RGS6: variants seen among roughly 807,000 people sequenced by gnomAD.
RGS6 encodes regulator of G protein signaling 6.
In RGS6, 30 loss-of-function variants were observed where a neutral mutation model predicts 78.5. The observed-to-expected ratio is 0.38, with a 90% CI of 0.29 to 0.52. The LOEUF is 0.52. RGS6 is among the 20% of genes least tolerant of loss of function. The pLI, the probability that RGS6 is intolerant of heterozygous loss-of-function variation, is 0.85. For missense variants in RGS6, 495 were observed against 609.7 expected (o/e 0.81, Z 1.98); for synonymous variants, 206 against 206.0 (o/e 1.00, Z 0.00).
chr14:71,972,823 G>A (rs772692355), intron 2 of RGS6, among the ~76,000 whole-genome samples: 5 of 152,162 alleles, frequency 3.3e-5, no homozygotes, highest in Non-Finnish European at 7.4e-5. Flanking sequence ...CAGAATTTGG[G>A]GGCTGAGAAG....
chr14:72,569,019 G>A (rs1005482585), downstream of RGS6, among the ~76,000 whole-genome samples: 2 of 152,168 alleles, frequency 1.3e-5, no homozygotes, highest in Admixed American at 6.5e-5. Flanking sequence ...ACAAGTCCCT[G>A]GATATCTCTT....
At chr14:72,342,845 G>C (rs1024898994) in intron 2 of RGS6, among the ~76,000 whole-genome samples, 1 of 151,904 alleles carries the variant, frequency 6.6e-6, no homozygotes, top group African/African-American at 2.4e-5. Context: ...CAATGACTTA[G>C]GGTTTATAGA....
At chr14:72,431,159 G>C (rs183464835) in intron 3 of RGS6, among the ~76,000 whole-genome samples, 17 of 152,278 alleles carry the variant, frequency 1.1e-4, no homozygotes, top group Admixed American at 1.1e-3. Flanking sequence ...CAAGGAATCT[G>C]GGTATGAGGA....
At chr14:72,134,377 T>G (rs1259530168) in intron 2 of RGS6, among the ~76,000 whole-genome samples, 5 of 152,228 alleles carry the variant, frequency 3.3e-5, no homozygotes, top group Admixed American at 3.3e-4. Context: ...TCTTCTAAAG[T>G]CTGCACATAT....
intron 3 of RGS6, among the ~76,000 whole-genome samples, chr14:72,448,220 G>A (rs112369916): frequency 6.6e-6 from 1 of 152,218 alleles, no homozygotes; most frequent in Non-Finnish European, 1.5e-5. Context: ...TTGCTCTCAA[G>A]TGTGTCTGAC....
intron 2 of RGS6, among the ~76,000 whole-genome samples, chr14:72,099,742 G>A (rs1039363846): frequency 1.6e-4 from 25 of 152,140 alleles, no homozygotes; most frequent in African/African-American, 5.6e-4. Context: ...TAGCTTTGGC[G>A]GGGATTATTT....
At chr14:71,914,416 T>C in the RGS6 span, among the ~76,000 whole-genome samples, 43 of 152,254 alleles carry the variant, frequency 2.8e-4, no homozygotes, top group Non-Finnish European at 5.6e-4. Flanking sequence ...CAAGTTTCAC[T>C]TTTCTTATCT....
At chr14:72,545,917 G>C (rs1378717291) in intron 17 of RGS6, among the ~76,000 whole-genome samples, 1 of 152,158 alleles carries the variant, frequency 6.6e-6, no homozygotes, top group Non-Finnish European at 1.5e-5. Flanking sequence ...AGCTGTGTGT[G>C]TGTGTGTCAG....
intron 2 of RGS6, among the ~76,000 whole-genome samples, chr14:72,084,262 A>G (rs371587843): frequency 5.9e-5 from 9 of 152,148 alleles, no homozygotes; most frequent in African/African-American, 2.2e-4. Flanking sequence ...TTGCGTTTCT[A>G]TGAGAATCCA....
the RGS6 span, among the ~76,000 whole-genome samples, chr14:72,623,595 T>C: frequency 1.3e-5 from 2 of 152,220 alleles, no homozygotes; most frequent in African/African-American, 4.8e-5. Flanking sequence ...TTGGTATTAT[T>C]GAAGAGCAAG....
chr14:72,539,861 T>C (rs2097298520), intron 16 of RGS6, among the ~76,000 whole-genome samples, 180 bp from the exon 17 acceptor site: 1 of 152,234 alleles, frequency 6.6e-6, no homozygotes, highest in Admixed American at 6.5e-5. Flanking sequence ...TTCTGTCTTC[T>C]GTCTCTCCCA....
chr14:72,014,232 G>C (rs1318058172), intron 2 of RGS6, among the ~76,000 whole-genome samples: 2 of 152,176 alleles, frequency 1.3e-5, no homozygotes, highest in Admixed American at 1.3e-4. Flanking sequence ...TGACAGTTAA[G>C]AGAGGAATGA....
chr14:72,441,043 T>C (rs74889945), intron 3 of RGS6, among the ~76,000 whole-genome samples: 1 of 152,318 alleles, frequency 6.6e-6, no homozygotes, highest in East Asian at 1.9e-4. Context: ...GTCTGTTGCA[T>C]CTATGCATGT....
intron 2 of RGS6, among the ~76,000 whole-genome samples, chr14:72,029,629 C>T (rs903652085): frequency 6.6e-6 from 1 of 152,176 alleles, no homozygotes; most frequent in Non-Finnish European, 1.5e-5. Flanking sequence ...GTTCTGATTC[C>T]TGCTTATTAG....
intron 3 of RGS6, among the ~76,000 whole-genome samples, chr14:72,354,675 G>A (rs934236941): frequency 3.3e-5 from 5 of 151,926 alleles, no homozygotes; most frequent in Non-Finnish European, 4.4e-5. Flanking sequence ...TCTGTAAAGG[G>A]TAATAATTCC....
intron 2 of RGS6, among the ~76,000 whole-genome samples, chr14:72,350,926 G>A (rs962146487): frequency 6.6e-6 from 1 of 152,042 alleles, no homozygotes; most frequent in Non-Finnish European, 1.5e-5. Flanking sequence ...ATATATTTTA[G>A]CTATTTATGA....
chr14:72,018,614 G>T (rs1417212724), intron 2 of RGS6, among the ~76,000 whole-genome samples: 2 of 152,234 alleles, frequency 1.3e-5, no homozygotes, highest in African/African-American at 2.4e-5. Context: ...CTTGGAGACA[G>T]ACAGAAACAT....
intron 2 of RGS6, among the ~76,000 whole-genome samples, chr14:72,334,078 C>T (rs1595916764): frequency 1.3e-5 from 2 of 152,342 alleles, no homozygotes; most frequent in East Asian, 3.9e-4. Flanking sequence ...TCTCCAACAC[C>T]CCCGAGTCTT....
At chr14:71,900,327 A>G in the RGS6 span, among the ~76,000 whole-genome samples, 1 of 151,936 alleles carries the variant, frequency 6.6e-6, no homozygotes. Context: ...CCGCTTTTTT[A>G]TCAGTTATAT....
Sources: allele counts gnomAD v4.1 joint callset (sites outside exome capture counted in the v4.1 genomes callset), GRCh38; gene constraint gnomAD v4.1.1; transcripts MANE v1.5; gene names NCBI Gene and HGNC (gene_info 2026-07-23, HGNC 2026-07-21).